Variants in FAM151A observed in about 807,000 individuals in gnomAD.
FAM151A encodes family with sequence similarity 151 member A, also known as protein FAM151A.
FAM151A carries 41 observed loss-of-function variants against 40.4 expected under a neutral mutation model. That is an observed-to-expected ratio of 1.01 (90% confidence interval 0.79 to 1.32). The LOEUF (loss-of-function observed/expected upper bound fraction) is 1.32. Ranked by LOEUF, FAM151A falls within the 40% of genes most tolerant of loss-of-function variation. The pLI, the probability that FAM151A is intolerant of heterozygous loss-of-function variation, is 0.00. For synonymous variants in FAM151A, 337 were observed against 312.5 expected, an observed-to-expected ratio of 1.08 and a Z score of -0.83; for missense variants, 740 against 740.4, an observed-to-expected ratio of 1.00 and a Z score of 0.01.
At position 54,616,006 on chromosome 1, in the gene FAM151A, A is replaced by G. The variant is rs1385080166; in HGVS notation, c.415+14T>C. ...GGGCTGGGGGCCGGAGAGGGTTTCCAGAGAGGCCCTTACCCTTTTGGGAAG... is the reference window on the plus strand; with the variant it reads ...GGGCTGGGGGCCGGAGAGGGTTTCCGGAGAGGCCCTTACCCTTTTGGGAAG... On this transcript the variant is annotated intron_variant, in intron 3 of 7. Transcript: ENST00000302250. The G allele has an allele frequency of 1.2e-6, 2 of 1,612,670 alleles. No individual in the cohort carries two copies. Among genetic ancestry groups the G allele is most frequent in the Non-Finnish European group, 1.7e-6 (2 of 1,179,846 alleles).
chr1:54,613,205 C>A (rs1644137038), intron 4 of FAM151A, among the ~76,000 whole-genome samples: 1 of 151,944 alleles, frequency 6.6e-6, no homozygotes, highest in South Asian at 2.1e-4. Context: ...CATGGAGAAA[C>A]CCTGTCTCTA....
intron 4 of FAM151A, among the ~76,000 whole-genome samples, chr1:54,613,390 A>C (rs1308857627): frequency 1.3e-5 from 2 of 151,566 alleles, no homozygotes; most frequent in East Asian, 3.9e-4. Context: ...AAAAAAAAAA[A>C]CTTTTTTTCC....
chr1:54,609,259 C>T lies in FAM151A; in HGVS notation c.*9G>A, dbSNP rs779769189. ...CCCTGAGGTCCGCTGGCCCACCACC[C>T]CTGGGTGCTCAGTTTCTACCAACAT... is the stretch of plus-strand genomic sequence containing the variant. On this transcript the variant is annotated 3_prime_UTR_variant, in exon 8 of 8. Transcript: ENST00000302250. 6.1e-5 allele frequency: 98 copies of T among 1,599,802 alleles called. No individual in the cohort carries two copies. Among genetic ancestry groups the T allele is most frequent in the Admixed American group, 1.7e-5 (1 of 59,360 alleles).
chr1:54,612,265 G>A (rs888352320), intron 5 of FAM151A, among the ~76,000 whole-genome samples: 6 of 151,812 alleles, frequency 4.0e-5, no homozygotes, highest in African/African-American at 1.5e-4. Flanking sequence ...ATTTTCCAGA[G>A]GGCAGAGAAT....
Position 54,623,492 on chromosome 1 carries a change from A to T in FAM151A, c.-97T>A. On this transcript the variant is annotated 5_prime_UTR_variant, in exon 1 of 8. Coordinates refer to ENST00000302250, the MANE Select transcript of FAM151A (RefSeq NM_176782.3). ...CCTGTGGGAGGCAGGAGCTCCCAGC[A>T]GCACCTAATTCTCCACCGGGCCTGG... 1 of 863,456 alleles carries T rather than the reference A, an allele frequency of 1.2e-6. No individual in the cohort carries two copies. Among genetic ancestry groups the T allele is most frequent in the Admixed American group, 1.9e-5 (1 of 53,426 alleles). The allele number at this position is 863,456 out of a possible 1,614,324, so 53.5% of individuals were successfully genotyped here.
chr1:54,612,773 G>A (rs1435705960), intron 4 of FAM151A, 63 bp from the exon 5 acceptor site: 10 of 1,279,278 alleles, frequency 7.8e-6, no homozygotes, highest in South Asian at 1.2e-5. Context: ...CTCCTCTGGG[G>A]TCTCATCACA....
At chr1:54,615,530 G>A (rs1159395309) in intron 3 of FAM151A, among the ~76,000 whole-genome samples, 1 of 152,116 alleles carries the variant, frequency 6.6e-6, no homozygotes, top group East Asian at 1.9e-4. Context: ...TGAGGAGGGA[G>A]GTCCTGGAGA....
In FAM151A at chr1:54,609,224, GAA is replaced by G; in HGVS notation, c.*42_*43del. 1 of 1,590,444 alleles carries G rather than the reference GAA, an allele frequency of 6.3e-7. No individual in the cohort carries two copies. The highest frequency in any genetic ancestry group is 8.6e-7 in the Non-Finnish European group (1 of 1,166,924). Reference sequence around the variant, plus strand: ...TTTATTTCTTCCTGCCTCCCCGTGGGAAGCCTCCGCCCTGAGGTCCGCTGGCC... The same window carrying G: ...TTTATTTCTTCCTGCCTCCCCGTGGGGCCTCCGCCCTGAGGTCCGCTGGCC... On this transcript the variant is annotated 3_prime_UTR_variant, in exon 8 of 8. Coordinates refer to ENST00000302250, the MANE Select transcript of FAM151A (RefSeq NM_176782.3).
At chr1:54,618,843 TC>T (rs1644200801) in intron 2 of FAM151A, among the ~76,000 whole-genome samples, 1 of 151,978 alleles carries the variant, frequency 6.6e-6, no homozygotes, top group South Asian at 2.1e-4. Context: ...GGTTATTTGA[TC>T]TTTTTTTGCC....
intron 1 of FAM151A, 117 bp from the exon 2 acceptor site, chr1:54,620,124 A>T: frequency 2.8e-6 from 3 of 1,076,330 alleles, no homozygotes; most frequent in Non-Finnish European, 2.6e-6. Flanking sequence ...CATCTGGCAG[A>T]GGGACGGTGA....
intron 6 of FAM151A, 96 bp from the exon 7 acceptor site, chr1:54,610,651 CCT>C (rs1644108328): frequency 2.7e-6 from 4 of 1,502,470 alleles, no homozygotes; most frequent in African/African-American, 1.4e-5. Flanking sequence ...CTACGGGCAT[CCT>C]CTCTAAGCCT....
chr1:54,613,216 C>A (rs1046382571), intron 4 of FAM151A, among the ~76,000 whole-genome samples: 2 of 151,874 alleles, frequency 1.3e-5, no homozygotes. Context: ...CCTGTCTCTA[C>A]TAAAAATACA....
intron 7 of FAM151A, 96 bp downstream of exon 7, chr1:54,610,316 T>C: frequency 1.9e-6 from 3 of 1,547,440 alleles, no homozygotes; most frequent in Middle Eastern, 1.8e-4. Flanking sequence ...AATAAACCTG[T>C]GTTGCCATGG....
At chr1:54,610,881 C>T (rs536948940) in intron 6 of FAM151A, 13 of 985,234 alleles carry the variant, frequency 1.3e-5, no homozygotes, top group African/African-American at 8.7e-5. Flanking sequence ...GGCTTAACTG[C>T]GGCTCTTCTG....
At chr1:54,623,240 G>A (rs775895226) in intron 1 of FAM151A, 38 bp downstream of exon 1, 2 of 1,415,404 alleles carry the variant, frequency 1.4e-6, no homozygotes, top group South Asian at 1.2e-5. Context: ...CGAGCGATGA[G>A]GGAAGCCACT....
Position 54,611,704 on chromosome 1 carries a change from G to A in FAM151A, c.842C>T (p.Ser281Leu), listed in dbSNP as rs137923187. The change falls in exon 6 of 8, where the codon TCG (serine) becomes TTG (leucine). Residue 281 changes from serine (S) to leucine (L), a missense_variant. Physicochemically the swap from Ser to Leu is moderately radical, Grantham distance 145. Coordinates refer to ENST00000302250, the MANE Select transcript of FAM151A (RefSeq NM_176782.3). ...CCGGACGTAGAGCAGATCTTCCACC[G>A]ACATGGGGTCCGAGGCAGCCTGCCA... is the stretch of plus-strand genomic sequence containing the variant. ...TLWQAASDPM[S>L]VEDLLYVRDN... The A allele has an allele frequency of 2.1e-4, 339 of 1,614,098 alleles. 1 individual carries two copies. In the African/African-American group the frequency reaches 3.8e-3, roughly 18 times the overall value.
Position 54,620,516 on chromosome 1 carries a change from G to T in FAM151A, c.119-509C>A, listed in dbSNP as rs577033473. ...AGATTAGGAGTTCGAGACCAGCCTG[G>T]CCAACATGGTGAAACCATGTCTCTA... On this transcript the variant is annotated intron_variant, in intron 1 of 7. Transcript: ENST00000302250. 2.0e-5 allele frequency among the ~76,000 whole-genome samples: 3 copies of T among 152,080 alleles called. No homozygotes were observed. In the South Asian group the frequency reaches 6.3e-4, roughly 32 times the overall value.
intron 6 of FAM151A, 98 bp from the exon 7 acceptor site, chr1:54,610,653 T>C: frequency 6.7e-7 from 1 of 1,502,310 alleles, no homozygotes; most frequent in African/African-American, 1.4e-5. Context: ...ACGGGCATCC[T>C]CTCTAAGCCT....
rs372784167 is a variant in FAM151A, at chr1:54,609,875, A to G, written c.1151T>C (p.Ile384Thr). The G allele has an allele frequency of 6.2e-6, 10 of 1,613,496 alleles. No individual in the cohort carries two copies. The highest frequency in any genetic ancestry group is 3.3e-5 in the Admixed American group (2 of 60,010). Residue 384 changes from isoleucine (I) to threonine (T), a missense_variant, in exon 8 of 8, where the codon ATT becomes ACT. Ile to Thr is a moderately conservative substitution (Grantham distance 89). Coordinates refer to ENST00000302250, the MANE Select transcript of FAM151A (RefSeq NM_176782.3). ...EGTVAENPVP[I>T]VHTPSGNILT... ...GATGTTGCCACTTGGAGTATGAACA[A>G]TGGGCACGGGGTTTTCAGCCACAGT...
Sources: gnomAD v4.1 joint callset for allele counts (sites outside exome capture counted in the v4.1 genomes callset) on GRCh38, gnomAD v4.1.1 for gene constraint, MANE v1.5 for transcripts, NCBI Gene and HGNC (gene_info 2026-07-23, HGNC 2026-07-21) for gene names.